The following DCC variants were observed in gnomAD, a reference collection of about 807,000 sequenced individuals.
DCC encodes netrin receptor DCC.
In DCC, 58 loss-of-function variants were observed where a neutral mutation model predicts 172.5. The ratio of observed to expected loss-of-function variants is 0.34; its 90% CI spans 0.27 to 0.42. The LOEUF is 0.42. Among genes scored for constraint, DCC ranks in the 10% least tolerant of loss-of-function variants. The pLI, the probability that DCC is intolerant of heterozygous loss-of-function variation, is 1.00. For missense variants in DCC, 1,740 were observed against 1,791.0 expected, an observed-to-expected ratio of 0.97 and a Z score of 0.51; for synonymous variants, 709 against 644.5, an observed-to-expected ratio of 1.10 and a Z score of -1.52.
intron 2 of DCC, among the ~76,000 whole-genome samples, chr18:52,798,385 T>A (rs911255073): frequency 1.3e-5 from 2 of 152,156 alleles, no homozygotes; most frequent in Non-Finnish European, 2.9e-5. Context: ...TAAAAATGTT[T>A]TAAAGACAGA....
intron 14 of DCC, among the ~76,000 whole-genome samples, chr18:53,336,532 G>T (rs1483480517): frequency 6.6e-6 from 1 of 151,970 alleles, no homozygotes; most frequent in Non-Finnish European, 1.5e-5. Flanking sequence ...CTGTCCTTTT[G>T]GTCCTGTGAG....
intron 3 of DCC, among the ~76,000 whole-genome samples, chr18:52,913,896 T>C (rs1442326091): frequency 6.6e-6 from 1 of 152,072 alleles, no homozygotes; most frequent in African/African-American, 2.4e-5. Context: ...TAGAGCTTGC[T>C]TCCTTCTTTG....
chr18:53,401,309 A>G lies in DCC; in HGVS notation c.2828-1477A>G, dbSNP rs184341635. On this transcript the variant is annotated intron_variant, in intron 18 of 28. Transcript: ENST00000442544. ...TCCTTCATTCCCCCCTCCTCTTCTA[A>G]TTCTCTTTCTCCATCCATCCCTTCT... Among the ~76,000 whole-genome samples, 4 of 152,204 alleles carry G rather than the reference A, an allele frequency of 2.6e-5. 1 individual carries two copies. Among genetic ancestry groups the G allele is most frequent in the Admixed American group, 2.6e-4 (4 of 15,288 alleles).
At chr18:52,884,590 A>G (rs940648874) in intron 2 of DCC, among the ~76,000 whole-genome samples, 2 of 152,024 alleles carry the variant, frequency 1.3e-5, no homozygotes, top group African/African-American at 4.8e-5. Context: ...AGAATTCTGA[A>G]TTTCTTTGCG....
At chr18:52,994,015 A>T (rs1423391669) in intron 5 of DCC, among the ~76,000 whole-genome samples, 1 of 152,142 alleles carries the variant, frequency 6.6e-6, no homozygotes, top group Admixed American at 6.6e-5. Context: ...AGTTGCCCAC[A>T]CTGACAAAAC....
At chr18:52,557,727 C>G (rs576850285) in intron 1 of DCC, among the ~76,000 whole-genome samples, 1 of 152,260 alleles carries the variant, frequency 6.6e-6, no homozygotes, top group Admixed American at 6.5e-5. Context: ...TGGTGTCACC[C>G]TGGTTCACTG....
chr18:52,614,440 G>A (rs1038746781), intron 1 of DCC, among the ~76,000 whole-genome samples: 1 of 152,132 alleles, frequency 6.6e-6, no homozygotes, highest in African/African-American at 2.4e-5. Context: ...AATCTTTTTA[G>A]TTGCACCTAA....
chr18:53,497,149 A>T (rs1388154794), intron 26 of DCC, among the ~76,000 whole-genome samples: 1 of 152,196 alleles, frequency 6.6e-6, no homozygotes. Flanking sequence ...CCCATTGGAG[A>T]TAAAGGAGGA....
chr18:53,234,863 A>G (rs953527890), intron 12 of DCC, among the ~76,000 whole-genome samples: 3 of 152,176 alleles, frequency 2.0e-5, no homozygotes, highest in African/African-American at 7.2e-5. Flanking sequence ...TTAAAGCTGA[A>G]GCTTTTGATG....
chr18:53,343,625 T>C (rs1332108471), intron 15 of DCC, among the ~76,000 whole-genome samples: 2 of 151,988 alleles, frequency 1.3e-5, no homozygotes, highest in Admixed American at 1.3e-4. Flanking sequence ...TCTTTTCCTA[T>C]AGTGTCTATA....
chr18:53,462,081 C>A (rs1164696594), intron 24 of DCC, among the ~76,000 whole-genome samples: 1 of 152,120 alleles, frequency 6.6e-6, no homozygotes, highest in Non-Finnish European at 1.5e-5. Context: ...GAAGAAAGTA[C>A]CATTTGAAGT....
At chr18:52,428,086 T>TA (rs1168936582) in intron 1 of DCC, among the ~76,000 whole-genome samples, 3 of 151,998 alleles carry the variant, frequency 2.0e-5, no homozygotes, top group Non-Finnish European at 4.4e-5. Flanking sequence ...TCAATCTCTT[T>TA]AAAAAATCTT....
intron 15 of DCC, among the ~76,000 whole-genome samples, chr18:53,367,341 A>G (rs929593277): frequency 1.8e-4 from 27 of 152,134 alleles, no homozygotes; most frequent in African/African-American, 6.5e-4. Context: ...AAACAACAAA[A>G]CAATAAGAGT....
At chr18:53,481,326 C>A (rs374277418) in intron 25 of DCC, among the ~76,000 whole-genome samples, 2 of 152,118 alleles carry the variant, frequency 1.3e-5, no homozygotes, top group African/African-American at 2.4e-5. Context: ...CGAATCCAGG[C>A]AGTTTTACTT....
intron 7 of DCC, among the ~76,000 whole-genome samples, chr18:53,077,373 A>T (rs2042737909): frequency 6.6e-6 from 1 of 152,138 alleles, no homozygotes; most frequent in African/African-American, 2.4e-5. Context: ...GGGTGTACCC[A>T]CATACCCACA....
chr18:53,249,275 G>T (rs1007595371), intron 12 of DCC, among the ~76,000 whole-genome samples: 1 of 151,818 alleles, frequency 6.6e-6, no homozygotes, highest in African/African-American at 2.4e-5. Flanking sequence ...AAATATTATA[G>T]CTATCTTCTA....
chr18:53,026,841 G>T (rs2041961055), intron 5 of DCC, among the ~76,000 whole-genome samples: 1 of 152,066 alleles, frequency 6.6e-6, no homozygotes, highest in Admixed American at 6.6e-5. Context: ...GGGATTACAA[G>T]CATAGCCACT....
intron 2 of DCC, among the ~76,000 whole-genome samples, chr18:52,846,828 A>T (rs2038901393): frequency 2.0e-5 from 3 of 152,204 alleles, no homozygotes; most frequent in Middle Eastern, 3.4e-3. Context: ...AACCATGGAG[A>T]TTATGTGATG....
chr18:53,366,062 GT>G (rs112101701), intron 15 of DCC, among the ~76,000 whole-genome samples: 31 of 147,086 alleles, frequency 2.1e-4, no homozygotes, highest in African/African-American at 2.5e-4. Flanking sequence ...ATACTTAATT[GT>G]TTTTTTTTTT....
Sources: allele counts gnomAD v4.1 joint callset (sites outside exome capture counted in the v4.1 genomes callset), GRCh38; gene constraint gnomAD v4.1.1; transcripts MANE v1.5; gene names NCBI Gene and HGNC (gene_info 2026-07-23, HGNC 2026-07-21).